NCAN: variants seen among roughly 807,000 people sequenced by gnomAD.
The protein encoded by NCAN is neurocan.
Under a neutral mutation model 121.8 loss-of-function variants are expected in NCAN, and 47 were observed. That is an observed-to-expected ratio of 0.39 (90% CI 0.31 to 0.49). The LOEUF is 0.49. Ranked by LOEUF, NCAN falls within the 20% of genes least tolerant of loss-of-function variation. The pLI is 0.92. For synonymous variants in NCAN, 633 were observed against 702.0 expected (o/e 0.90, Z 1.55); for missense variants, 1,517 against 1,773.4 (o/e 0.86, Z 2.60).
Position 19,251,300 on chromosome 19 carries a change from T to A in NCAN, c.*1389T>A, listed in dbSNP as rs1413958613. On this transcript the variant is annotated 3_prime_UTR_variant, in exon 15 of 15. Coordinates refer to ENST00000252575, the MANE Select transcript of NCAN (RefSeq NM_004386.3). ...AATGTGTTAACTGAGCCTGAATCCC[T>A]TCTGGGAAGTAATAATGACCATTGA... 6.6e-6 allele frequency: 1 copy of A among 152,226 alleles called. No individual in the cohort carries two copies. Among genetic ancestry groups the A allele is most frequent in the African/African-American group, 2.4e-5 (1 of 41,462 alleles). 9.4% of individuals were successfully genotyped at this position (152,226 alleles called of 1,614,324 possible).
intron 1 of NCAN, among the ~76,000 whole-genome samples, chr19:19,214,727 G>GTGT (rs2060789796): frequency 2.1e-5 from 3 of 141,244 alleles, no homozygotes; most frequent in African/African-American, 7.9e-5. Flanking sequence ...CTGTTAACGG[G>GTGT]GTGTGTGTGT....
chr19:19,226,659 A>G lies in NCAN; in HGVS notation c.1246A>G (p.Thr416Ala). The G allele has an allele frequency of 6.2e-7, 1 of 1,613,752 alleles. No individual in the cohort carries two copies. Among genetic ancestry groups the G allele is most frequent in the Non-Finnish European group, 8.5e-7 (1 of 1,179,872 alleles). Reference protein sequence around the residue: ...EPLVSSGEEETLILEEKQESQ... With the variant: ...EPLVSSGEEEALILEEKQESQ... ...TCTGGTGTCCAGTGGGGAAGAAGAA[A>G]CCCTGATTTTGGAGGAGAAGCAGGA... The change falls in exon 7 of 15, where the codon ACC becomes GCC. Residue 416 changes from threonine (T) to alanine (A), a missense_variant. Transcript: ENST00000252575.
At position 19,225,614 on chromosome 19, in the gene NCAN, C is replaced by T. The variant is rs1176901381; in HGVS notation, c.1072+344C>T. Among the ~76,000 whole-genome samples the T allele has an allele frequency of 6.6e-6, 1 of 152,248 alleles. No homozygotes were observed. The highest frequency in any genetic ancestry group is 1.5e-5 in the Non-Finnish European group (1 of 68,046). ...CTCTACCTAGAGCCACGCCCATACG[C>T]AGAAACACCCCCGTGGAAGAGATAA... On this transcript the variant is annotated intron_variant, in intron 6 of 14. Transcript: ENST00000252575. This position sits in a 1 kb window ranked among gnomAD's most constrained non-coding sequence, Gnocchi z 4.0.
At chr19:19,224,686 T>C (rs1268971734) in intron 5 of NCAN, among the ~76,000 whole-genome samples, 1 of 150,434 alleles carries the variant, frequency 6.6e-6, no homozygotes, top group East Asian at 2.0e-4. Flanking sequence ...TGCCTCCCTG[T>C]CCCTATCCCC....
At position 19,250,261 on chromosome 19, in the gene NCAN, G is replaced by A. The variant is rs80323510; in HGVS notation, c.*350G>A. 20 of 440,864 alleles carry A rather than the reference G, an allele frequency of 4.5e-5. No individual in the cohort carries two copies. In the East Asian group the frequency reaches 1.1e-3, roughly 25 times the overall value. The allele number at this position is 440,864 out of a possible 1,614,324, so 27.3% of individuals were successfully genotyped here. On this transcript the variant is annotated 3_prime_UTR_variant, in exon 15 of 15. Transcript: ENST00000252575. ...GATGAGGGTGCATGAGTGTATGTTT[G>A]CATTCACATGAAGGAATTGCTTTTC...
intron 3 of NCAN, among the ~76,000 whole-genome samples, chr19:19,220,534 C>T (rs1312528122): frequency 7.5e-6 from 1 of 133,228 alleles, no homozygotes; most frequent in Non-Finnish European, 1.5e-5. Context: ...CTCAACTCAT[C>T]GCCAGCTCTG....
chr19:19,224,864 T>C, intron 5 of NCAN, 113 bp from the exon 6 acceptor site: 1 of 991,738 alleles, frequency 1.0e-6, no homozygotes, highest in African/African-American at 1.7e-5. Context: ...CACCGCCTCT[T>C]CTAACCACCA....
chr19:19,237,592 G>T (rs985161698), intron 10 of NCAN, among the ~76,000 whole-genome samples: 1 of 152,026 alleles, frequency 6.6e-6, no homozygotes. Context: ...TCATGTGCTT[G>T]TTGGCCATTT....
At chr19:19,245,265 G>T in intron 12 of NCAN, 48 bp from the exon 13 acceptor site, 1 of 1,603,252 alleles carries the variant, frequency 6.2e-7, no homozygotes, top group South Asian at 1.1e-5. Context: ...CAGAACCTGG[G>T]CTGGAACAGA....
At position 19,227,942 on chromosome 19, in the gene NCAN, T is replaced by C. The variant is rs2060843951; in HGVS notation, c.2322T>C (p.Thr774=). 6.2e-7 allele frequency: 1 copy of C among 1,613,500 alleles called. No individual in the cohort carries two copies. The highest frequency in any genetic ancestry group is 2.2e-5 in the East Asian group (1 of 44,880). The change falls in exon 8 of 15, where the codon ACT becomes ACC. Residue 774 remains threonine (T), a synonymous_variant. Transcript: ENST00000252575. This position sits in a 1 kb window ranked among gnomAD's most constrained non-coding sequence, Gnocchi z 4.2. ...GCCCCACTTCTGGCTTGCAGGCCAC[T>C]GTAGATGAGGTGCAGGACCCCTGGC... ...AESPTSGLQA[T]VDEVQDPWPS... is the part of the protein sequence containing the mutation.
intron 12 of NCAN, among the ~76,000 whole-genome samples, chr19:19,243,340 A>G (rs2060910636): frequency 6.6e-6 from 1 of 151,584 alleles, no homozygotes; most frequent in Non-Finnish European, 1.5e-5. Flanking sequence ...ATATGGTAAA[A>G]CCCTGTGTCT....
In NCAN at chr19:19,226,910, G is replaced by T; in HGVS notation, c.1497G>T (p.Gly499=). 1 of 1,603,978 alleles carries T rather than the reference G, an allele frequency of 6.2e-7. No individual in the cohort carries two copies. The highest frequency in any genetic ancestry group is 1.3e-5 in the African/African-American group (1 of 74,936). ...TCCAGCAGCAGGAACCGGAGCCGGG[G>T]CTGCAAGGGGGGATGGAGGCCAGCG... is the stretch of plus-strand genomic sequence containing the variant. ...RYFQQQEPEP[G]LQGGMEASAQ... Residue 499 remains glycine (G), a synonymous_variant, in exon 7 of 15, where the codon GGG becomes GGT. Coordinates refer to ENST00000252575, the MANE Select transcript of NCAN (RefSeq NM_004386.3).
intron 2 of NCAN, among the ~76,000 whole-genome samples, chr19:19,217,837 A>C (rs1180599365): frequency 6.6e-6 from 1 of 152,130 alleles, no homozygotes; most frequent in East Asian, 1.9e-4. Context: ...AAATACAAAA[A>C]TTAGCCAGGT....
At chr19:19,214,763 T>A (rs60553431) in intron 1 of NCAN, among the ~76,000 whole-genome samples, 19,983 of 91,462 alleles carry the variant, frequency 0.22, 1,876 homozygotes, top group African/African-American at 0.33. Context: ...TGTGTGTGTG[T>A]GAGAGAGAGA....
In NCAN at chr19:19,225,406, C is replaced by T; in HGVS notation, c.1072+136C>T. On this transcript the variant is annotated intron_variant, in intron 6 of 14. Coordinates refer to ENST00000252575, the MANE Select transcript of NCAN (RefSeq NM_004386.3). The surrounding 1 kb of genome is among the most constrained non-coding windows in gnomAD (Gnocchi z 4.0). The stretch of plus-strand genomic sequence containing the variant: ...ATAAGCCACATCCCTGGGTGAGGGC[C>T]ACGCCCCCGGGTGAAGGCCACACCC... 1 of 1,142,730 alleles carries T rather than the reference C, an allele frequency of 8.8e-7. No individual in the cohort carries two copies. 70.8% of individuals were successfully genotyped at this position (1,142,730 alleles called of 1,614,324 possible).
intron 10 of NCAN, 94 bp from the exon 11 acceptor site, chr19:19,238,159 A>C: frequency 6.5e-7 from 1 of 1,540,936 alleles, no homozygotes. Flanking sequence ...GTGACCTTGG[A>C]TTGGGCCCTC....
chr19:19,248,984 C>T, intron 14 of NCAN, 102 bp downstream of exon 14: 1 of 1,249,408 alleles, frequency 8.0e-7, no homozygotes, highest in East Asian at 2.4e-5. Context: ...TTAATGTCTG[C>T]CTGATAATAC....
At chr19:19,231,376 G>A (rs1425102307) in intron 8 of NCAN, among the ~76,000 whole-genome samples, 6 of 150,988 alleles carry the variant, frequency 4.0e-5, no homozygotes, top group African/African-American at 1.5e-4. Flanking sequence ...CGTCGCCCAG[G>A]CTGGAGTACA....
At chr19:19,213,062 C>T (rs1183225204) in intron 1 of NCAN, among the ~76,000 whole-genome samples, 1 of 152,160 alleles carries the variant, frequency 6.6e-6, no homozygotes, top group Non-Finnish European at 1.5e-5. Flanking sequence ...GGCTTTGTTC[C>T]TCTCAGGCAG....
Sources: allele counts gnomAD v4.1 joint callset (sites outside exome capture counted in the v4.1 genomes callset), GRCh38; gene constraint gnomAD v4.1.1; non-coding constraint Gnocchi (gnomAD v3.1); transcripts MANE v1.5; gene names NCBI Gene and HGNC (gene_info 2026-07-23, HGNC 2026-07-21).